The following PNPT1 variants were observed in gnomAD, a reference collection of about 807,000 sequenced individuals.
The protein encoded by PNPT1 is polyribonucleotide nucleotidyltransferase 1.
Under a neutral mutation model 119.5 loss-of-function variants are expected in PNPT1, and 53 were observed. That is an observed-to-expected ratio of 0.44 (90% CI 0.36 to 0.56). PNPT1 has a LOEUF of 0.56. PNPT1 is among the 20% of genes least tolerant of loss of function. The probability of loss-of-function intolerance (pLI) is 0.00; values close to 1 mark genes in which losing one functional copy is unlikely to be tolerated. For synonymous variants in PNPT1, 357 were observed against 322.1 expected (o/e 1.11, Z -1.16); for missense variants, 948 against 938.5 (o/e 1.01, Z -0.13).
At chr2:55,677,402 T>C (rs1337410529) in intron 8 of PNPT1, among the ~76,000 whole-genome samples, 2 of 152,030 alleles carry the variant, frequency 1.3e-5, no homozygotes, top group Admixed American at 1.3e-4. Context: ...GAGACCAGCC[T>C]AGCCAACATG....
At chr2:55,681,618 G>C (rs1371513174) in intron 5 of PNPT1, among the ~76,000 whole-genome samples, 2 of 152,142 alleles carry the variant, frequency 1.3e-5, no homozygotes, top group African/African-American at 4.8e-5. Context: ...GCCGAGGCAG[G>C]TGGATCACTT....
intron 18 of PNPT1, among the ~76,000 whole-genome samples, chr2:55,651,088 C>T (rs1164964550): frequency 1.3e-5 from 2 of 148,490 alleles, no homozygotes; most frequent in African/African-American, 2.5e-5. Context: ...GTCAGCCCCC[C>T]CGCCCAGCCA....
intron 11 of PNPT1, 131 bp downstream of exon 11, chr2:55,671,188 T>C: frequency 2.2e-6 from 1 of 463,974 alleles, no homozygotes. Context: ...TGAAAGTCCT[T>C]TGAATTCTTC....
Position 55,656,343 on chromosome 2 carries a change from C to A in PNPT1, c.1313G>T (p.Gly438Val), listed in dbSNP as rs763964798. The part of the protein sequence containing the change: ...EFPPYATNEI[G>V]KVTGLNRREL... ...TCTTCTATTTAAACCAGTGACTTTG[C>A]CAATTTCATTAGTTGCATAAGGAGG... Residue 438 changes from glycine to valine, a missense_variant, in exon 16 of 28, where the codon GGC becomes GTC. Gly to Val is a moderately radical substitution (Grantham distance 109). Coordinates refer to ENST00000447944, the MANE Select transcript of PNPT1 (RefSeq NM_033109.5). 6.2e-7 allele frequency: 1 copy of A among 1,608,710 alleles called. No homozygotes were observed. The highest frequency in any genetic ancestry group is 1.1e-5 in the South Asian group (1 of 89,668).
chr2:55,685,313 G>T (rs563607144), intron 3 of PNPT1, among the ~76,000 whole-genome samples: 1 of 152,156 alleles, frequency 6.6e-6, no homozygotes, highest in Non-Finnish European at 1.5e-5. Context: ...ACCACTTGAG[G>T]CCAGGGTTTT....
At chr2:55,684,187 A>C (rs1284807371) in intron 4 of PNPT1, among the ~76,000 whole-genome samples, 1 of 152,228 alleles carries the variant, frequency 6.6e-6, no homozygotes, top group Non-Finnish European at 1.5e-5. Context: ...ACTGTATATA[A>C]ATATACATAA....
chr2:55,680,967 A>G (rs1357794523), intron 5 of PNPT1, 49 bp from the exon 6 acceptor site: 4 of 1,456,388 alleles, frequency 2.7e-6, no homozygotes, highest in Non-Finnish European at 3.8e-6. Flanking sequence ...ATTTAGGTTA[A>G]CATCCTGACC....
At chr2:55,687,531 G>T in intron 2 of PNPT1, 114 bp downstream of exon 2, 1 of 744,388 alleles carries the variant, frequency 1.3e-6, no homozygotes, top group Non-Finnish European at 2.2e-6. Flanking sequence ...AGTAGTATCT[G>T]AATTAATTTC....
chr2:55,667,041 T>A lies in PNPT1; in HGVS notation c.1126A>T (p.Met376Leu). The change falls in exon 13 of 28, where the codon ATG (methionine) becomes TTG (leucine). Residue 376 changes from methionine to leucine, a missense_variant. By Grantham distance (15) the Met-to-Leu change is conservative. Transcript: ENST00000447944. ...GCTGATCCATGAAGGGTTTTAAACA[T>A]ATCTACCTCACAACTTACATTCCTA... ...SLRNVSCEVDMFKTLHGSALF... is the reference protein window; with the variant it reads ...SLRNVSCEVDLFKTLHGSALF... The A allele has an allele frequency of 6.2e-7, 1 of 1,611,678 alleles. No homozygotes were observed. Among genetic ancestry groups the A allele is most frequent in the South Asian group, 1.1e-5 (1 of 90,638 alleles).
At chr2:55,683,948 G>A in intron 4 of PNPT1, 114 bp from the exon 5 acceptor site, 1 of 953,634 alleles carries the variant, frequency 1.0e-6, no homozygotes, top group South Asian at 1.6e-5. Context: ...AAATCCCCTT[G>A]GACTGATTTA....
At chr2:55,651,586 T>A (rs1429116485) in intron 18 of PNPT1, among the ~76,000 whole-genome samples, 1 of 151,812 alleles carries the variant, frequency 6.6e-6, no homozygotes, top group Non-Finnish European at 1.5e-5. Context: ...GCATGCTCCT[T>A]AAGAGTCATC....
chr2:55,673,935 C>A (rs1206737423), intron 8 of PNPT1, among the ~76,000 whole-genome samples: 1 of 151,434 alleles, frequency 6.6e-6, no homozygotes, highest in Non-Finnish European at 1.5e-5. Flanking sequence ...GTTGCCCAGG[C>A]TGCTCTCGAA....
intron 11 of PNPT1, among the ~76,000 whole-genome samples, chr2:55,669,176 T>A (rs1027665116): frequency 6.9e-6 from 1 of 144,366 alleles, no homozygotes; most frequent in Non-Finnish European, 1.5e-5. Context: ...CCACTGAGTT[T>A]AAAAAAAAAC....
At chr2:55,684,036 A>C (rs1485310875) in intron 4 of PNPT1, among the ~76,000 whole-genome samples, 3 of 152,228 alleles carry the variant, frequency 2.0e-5, no homozygotes, top group East Asian at 1.9e-4. Flanking sequence ...AACACAGAAG[A>C]AGCACATTAA....
intron 1 of PNPT1, 124 bp downstream of exon 1, chr2:55,693,539 G>A (rs956729622): frequency 1.4e-5 from 19 of 1,379,466 alleles, no homozygotes; most frequent in East Asian, 2.3e-5. Flanking sequence ...TGGAATTTAG[G>A]TTTAGGGTAA....
intron 1 of PNPT1, among the ~76,000 whole-genome samples, chr2:55,689,405 T>C (rs1697520152): frequency 6.6e-6 from 1 of 152,222 alleles, no homozygotes. Flanking sequence ...ACAGCTGTTA[T>C]GAATGTTCCT....
chr2:55,655,908 A>G (rs185079314), intron 17 of PNPT1, among the ~76,000 whole-genome samples: 2 of 152,352 alleles, frequency 1.3e-5, no homozygotes, highest in Admixed American at 6.5e-5. Context: ...TGGATCTACT[A>G]TAACAGATAA....
intron 15 of PNPT1, among the ~76,000 whole-genome samples, chr2:55,657,277 C>T (rs1253427499): frequency 1.3e-5 from 2 of 151,418 alleles, no homozygotes; most frequent in Non-Finnish European, 2.9e-5. Flanking sequence ...TGCAGTAAGC[C>T]GAGACTGCAC....
At chr2:55,672,791 A>G in intron 9 of PNPT1, 102 bp downstream of exon 9, 1 of 1,097,246 alleles carries the variant, frequency 9.1e-7, no homozygotes, top group Middle Eastern at 3.1e-4. Flanking sequence ...AGTGCTATTT[A>G]TGAAGTAATG....
Sources: allele counts gnomAD v4.1 joint callset (sites outside exome capture counted in the v4.1 genomes callset), GRCh38; gene constraint gnomAD v4.1.1; transcripts MANE v1.5; gene names NCBI Gene and HGNC (gene_info 2026-07-23, HGNC 2026-07-21).